EPHA6: variants seen among roughly 807,000 people sequenced by gnomAD.
The protein encoded by EPHA6 is ephrin type-A receptor 6.
Under a neutral mutation model 112.0 loss-of-function variants are expected in EPHA6, and 50 were observed. The observed-to-expected ratio is 0.45, with a 90% CI of 0.36 to 0.56. EPHA6 has a LOEUF of 0.56. EPHA6 is among the 20% of genes least tolerant of loss of function. The pLI, the probability that EPHA6 is intolerant of heterozygous loss-of-function variation, is 0.00. For synonymous variants in EPHA6, 529 were observed against 490.7 expected, an observed-to-expected ratio of 1.08 and a Z score of -1.03; for missense variants, 1,280 against 1,417.4, an observed-to-expected ratio of 0.90 and a Z score of 1.56.
intron 2 of EPHA6, among the ~76,000 whole-genome samples, chr3:96,905,627 C>G (rs1339147541): frequency 6.6e-6 from 1 of 151,782 alleles, no homozygotes; most frequent in Non-Finnish European, 1.5e-5. Context: ...TGAAATAGCT[C>G]ATGTGTTTTT....
chr3:97,082,478 C>T (rs1485949223), intron 3 of EPHA6, among the ~76,000 whole-genome samples: 1 of 151,666 alleles, frequency 6.6e-6, no homozygotes, highest in African/African-American at 2.4e-5. Flanking sequence ...AATTGTTTAG[C>T]ATGTCAGTGT....
At chr3:97,582,317 C>T (rs2093445955) in intron 11 of EPHA6, among the ~76,000 whole-genome samples, 1 of 152,162 alleles carries the variant, frequency 6.6e-6, no homozygotes, top group Non-Finnish European at 1.5e-5. Flanking sequence ...GTGTGAGCCA[C>T]CACGCCTGGC....
intron 11 of EPHA6, among the ~76,000 whole-genome samples, chr3:97,534,890 C>A (rs773390376): frequency 3.5e-4 from 53 of 152,080 alleles, no homozygotes; most frequent in Non-Finnish European, 5.4e-4. Flanking sequence ...ATGTTGAAGT[C>A]CTCTGATGTG....
intron 13 of EPHA6, among the ~76,000 whole-genome samples, chr3:97,624,820 G>A (rs1330201296): frequency 6.6e-6 from 1 of 151,214 alleles, no homozygotes; most frequent in Non-Finnish European, 1.5e-5. Flanking sequence ...TTTTATCCAG[G>A]TTATCTAATT....
intron 5 of EPHA6, among the ~76,000 whole-genome samples, chr3:97,375,438 C>T (rs1057425800): frequency 6.6e-6 from 1 of 152,092 alleles, no homozygotes; most frequent in African/African-American, 2.4e-5. Flanking sequence ...GGGAAAGGGA[C>T]TGAGATGGCA....
chr3:97,009,880 C>T (rs550606284), intron 3 of EPHA6: 4 of 424,740 alleles, frequency 9.4e-6, no homozygotes, highest in Non-Finnish European at 1.8e-5. Context: ...CACCACACCA[C>T]TCTGCTCTTC....
At chr3:97,726,860 A>G (rs997891910) in intron 15 of EPHA6, among the ~76,000 whole-genome samples, 1 of 152,070 alleles carries the variant, frequency 6.6e-6, no homozygotes, top group Non-Finnish European at 1.5e-5. Flanking sequence ...ACAGCAGGCA[A>G]CATTAAATAA....
intron 2 of EPHA6, among the ~76,000 whole-genome samples, chr3:96,921,361 TTAAAAG>T (rs1358958093): frequency 6.6e-6 from 1 of 152,106 alleles, no homozygotes; most frequent in Non-Finnish European, 1.5e-5. Flanking sequence ...TTTTAAAACT[TTAAAAG>T]TATCCAGAAA....
intron 2 of EPHA6, among the ~76,000 whole-genome samples, chr3:96,902,351 G>T (rs1389160060): frequency 6.6e-6 from 1 of 152,104 alleles, no homozygotes; most frequent in African/African-American, 2.4e-5. Flanking sequence ...AATGATGGAG[G>T]AGTAAAAGGG....
intron 14 of EPHA6, among the ~76,000 whole-genome samples, chr3:97,687,329 T>A (rs991030416): frequency 2.0e-5 from 3 of 152,168 alleles, no homozygotes; most frequent in African/African-American, 7.2e-5. Flanking sequence ...GTGTCTTCAG[T>A]TTTTTCTATA....
intron 14 of EPHA6, among the ~76,000 whole-genome samples, chr3:97,644,800 T>C (rs1004513563): frequency 1.3e-5 from 2 of 151,546 alleles, no homozygotes; most frequent in Non-Finnish European, 2.9e-5. Context: ...TAATCAATAG[T>C]TTACCAACCA....
At chr3:97,064,620 G>T (rs1241168487) in intron 3 of EPHA6, among the ~76,000 whole-genome samples, 5 of 152,036 alleles carry the variant, frequency 3.3e-5, no homozygotes, top group Admixed American at 3.3e-4. Flanking sequence ...AATCATTTAG[G>T]TTTTGCTGAG....
intron 3 of EPHA6, among the ~76,000 whole-genome samples, chr3:97,115,054 A>G (rs1222541655): frequency 1.3e-5 from 2 of 151,978 alleles, no homozygotes; most frequent in African/African-American, 2.4e-5. Flanking sequence ...ATAGTTGGAA[A>G]ATAGGCTACA....
intron 2 of EPHA6, among the ~76,000 whole-genome samples, chr3:96,894,186 A>T (rs1032800127): frequency 6.6e-6 from 1 of 152,204 alleles, no homozygotes; most frequent in Non-Finnish European, 1.5e-5. Flanking sequence ...CAAGTATGTC[A>T]GTAAGAACAC....
chr3:97,494,137 G>T (rs2091919592), intron 10 of EPHA6, among the ~76,000 whole-genome samples: 2 of 152,106 alleles, frequency 1.3e-5, no homozygotes, highest in Admixed American at 6.5e-5. Flanking sequence ...CTAAAATCAG[G>T]TATTTGACAT....
chr3:97,483,528 A>C (rs540033502), intron 9 of EPHA6, among the ~76,000 whole-genome samples: 1 of 152,358 alleles, frequency 6.6e-6, no homozygotes. Flanking sequence ...CTAGTGCCGT[A>C]GAGTACAAAG....
chr3:97,329,785 G>T (rs1416183288), intron 5 of EPHA6, among the ~76,000 whole-genome samples: 1 of 152,058 alleles, frequency 6.6e-6, no homozygotes, highest in Non-Finnish European at 1.5e-5. Context: ...CACTCTGATG[G>T]TGGTTTCTTT....
At chr3:97,435,855 G>A (rs1252275849) in intron 6 of EPHA6, among the ~76,000 whole-genome samples, 1 of 152,056 alleles carries the variant, frequency 6.6e-6, no homozygotes, top group Non-Finnish European at 1.5e-5. Context: ...TCTGTAAAAT[G>A]ACCTTGCTTT....
At chr3:96,901,823 G>T (rs1302512642) in intron 2 of EPHA6, among the ~76,000 whole-genome samples, 1 of 152,098 alleles carries the variant, frequency 6.6e-6, no homozygotes, top group African/African-American at 2.4e-5. Flanking sequence ...TCACAGAAAT[G>T]ATGTTATTAT....
Sources: allele counts gnomAD v4.1 joint callset (sites outside exome capture counted in the v4.1 genomes callset), GRCh38; gene constraint gnomAD v4.1.1; transcripts MANE v1.5; gene names NCBI Gene and HGNC (gene_info 2026-07-23, HGNC 2026-07-21).